ZDHHC21: variants seen among roughly 807,000 people sequenced by gnomAD.
The protein encoded by ZDHHC21 is palmitoyltransferase ZDHHC21.
ZDHHC21 carries 15 observed loss-of-function variants against 34.6 expected under a neutral mutation model. The observed-to-expected ratio is 0.43, with a 90% CI of 0.29 to 0.67. ZDHHC21 has a LOEUF of 0.67. ZDHHC21 is among the 30% of genes least tolerant of loss of function. The pLI, the probability that ZDHHC21 is intolerant of heterozygous loss-of-function variation, is 0.14. For missense variants in ZDHHC21, 344 were observed against 327.7 expected (o/e 1.05, Z -0.38); for synonymous variants, 142 against 101.8 (o/e 1.40, Z -2.38).
intron 2 of ZDHHC21, among the ~76,000 whole-genome samples, chr9:14,685,336 A>T (rs1488867598): frequency 1.7e-4 from 26 of 151,386 alleles, no homozygotes; most frequent in Non-Finnish European, 1.2e-4. Flanking sequence ...GAATCTACAA[A>T]GAACTCAAAC....
Position 14,674,377 on chromosome 9 carries a change from A to T in ZDHHC21, c.-37T>A. On this transcript the variant is annotated 5_prime_UTR_variant, in exon 4 of 10. Transcript: ENST00000380916. ...ATAACTGCCTGCTAACCCACAAGGA[A>T]GGATGATCCTAAGGAGAAGGAACAA... 1 of 1,565,202 alleles carries T rather than the reference A, an allele frequency of 6.4e-7. No individual in the cohort carries two copies. Among genetic ancestry groups the T allele is most frequent in the Non-Finnish European group, 8.6e-7 (1 of 1,160,248 alleles).
At chr9:14,607,526 G>A (rs993530204), downstream of ZDHHC21, among the ~76,000 whole-genome samples, 3 of 151,752 alleles carry the variant, frequency 2.0e-5, no homozygotes, top group African/African-American at 7.3e-5. Context: ...CCAAATTATG[G>A]CCAGTAGCTA....
intron 2 of ZDHHC21, among the ~76,000 whole-genome samples, chr9:14,686,119 G>T (rs1220028044): frequency 1.3e-5 from 2 of 151,670 alleles, no homozygotes; most frequent in Admixed American, 6.6e-5. Flanking sequence ...CGAGTTAATG[G>T]GTGCAGCAAA....
At chr9:14,650,026 G>T (rs1306915698) in intron 7 of ZDHHC21, among the ~76,000 whole-genome samples, 1 of 151,958 alleles carries the variant, frequency 6.6e-6, no homozygotes, top group East Asian at 1.9e-4. Flanking sequence ...AATTTTCTAT[G>T]TTAAATGCTA....
chr9:14,669,568 A>C (rs12684670), intron 5 of ZDHHC21, among the ~76,000 whole-genome samples: 15 of 149,554 alleles, frequency 1.0e-4, no homozygotes, highest in African/African-American at 3.2e-4. Flanking sequence ...TGTTTATTGC[A>C]GCATTATTCA....
At chr9:14,658,345 C>T (rs1207584012) in intron 7 of ZDHHC21, among the ~76,000 whole-genome samples, 1 of 140,164 alleles carries the variant, frequency 7.1e-6, no homozygotes, top group African/African-American at 3.2e-5. Context: ...TGGGAGTTTG[C>T]TTTTGTTGTT....
chr9:14,663,529 TTCTTTTTTTTC>T (rs905424650), intron 5 of ZDHHC21, among the ~76,000 whole-genome samples: 2 of 151,670 alleles, frequency 1.3e-5, no homozygotes, highest in African/African-American at 4.8e-5. Context: ...ATATTTTTAT[TTCTTTTTTTTC>T]TCTTTTTTTT....
chr9:14,670,675 A>G (rs936855843), intron 5 of ZDHHC21, among the ~76,000 whole-genome samples: 3 of 152,152 alleles, frequency 2.0e-5, no homozygotes, highest in Non-Finnish European at 4.4e-5. Context: ...CTTTGATAAC[A>G]TGAAGATATT....
At chr9:14,590,316 A>T in the ZDHHC21 span, among the ~76,000 whole-genome samples, 2 of 152,154 alleles carry the variant, frequency 1.3e-5, no homozygotes, top group Non-Finnish European at 2.9e-5. Context: ...ATACTAAGTC[A>T]TATTACTTGT....
intron 2 of ZDHHC21, among the ~76,000 whole-genome samples, chr9:14,686,656 T>C (rs1206471331): frequency 6.6e-6 from 1 of 152,146 alleles, no homozygotes; most frequent in Non-Finnish European, 1.5e-5. Context: ...GCACCTTTGC[T>C]TTTTAGAGAC....
the ZDHHC21 span, among the ~76,000 whole-genome samples, chr9:14,595,773 G>GA: frequency 6.6e-6 from 1 of 151,458 alleles, no homozygotes; most frequent in Non-Finnish European, 1.5e-5. Context: ...TGCCATGAAG[G>GA]AAAAAAAAGA....
intron 2 of ZDHHC21, among the ~76,000 whole-genome samples, chr9:14,685,033 G>A (rs1382312336): frequency 6.6e-5 from 10 of 152,080 alleles, no homozygotes; most frequent in East Asian, 3.9e-4. Flanking sequence ...CCTTCCTTAA[G>A]CCTTATACAA....
chr9:14,599,216 G>T, the ZDHHC21 span, among the ~76,000 whole-genome samples: 1 of 152,154 alleles, frequency 6.6e-6, no homozygotes, highest in Non-Finnish European at 1.5e-5. Flanking sequence ...TGCAGAAGGC[G>T]GGTAATTTCT....
chr9:14,681,882 TA>T (rs955666450), intron 2 of ZDHHC21, among the ~76,000 whole-genome samples: 59 of 152,172 alleles, frequency 3.9e-4, no homozygotes, highest in African/African-American at 1.4e-3. Flanking sequence ...CGGGGGCCAA[TA>T]TTCAACATTC....
At chr9:14,680,598 A>C (rs1837198127) in intron 2 of ZDHHC21, among the ~76,000 whole-genome samples, 1 of 138,616 alleles carries the variant, frequency 7.2e-6, no homozygotes, top group African/African-American at 2.6e-5. Context: ...GAAGCCATTA[A>C]GAGAGTCAAA....
rs1366041733 is a variant in ZDHHC21 at position 14,614,562 on chromosome 9, T to C, written c.*4404A>G. 1 of 151,762 alleles carries C rather than the reference T, an allele frequency of 6.6e-6. No homozygotes were observed. Among genetic ancestry groups the C allele is most frequent in the Non-Finnish European group, 1.5e-5 (1 of 67,750 alleles). The allele number at this position is 151,762 out of a possible 1,614,324, so 9.4% of individuals were successfully genotyped here. A position where few individuals can be genotyped will look rare whatever the true frequency, so the allele number is the denominator to read the frequency against. ...TTGGTTCTAATACTTTCTTATACTG[T>C]ACTGTGGAATATTCTAGAATTCAAC... On this transcript the variant is annotated 3_prime_UTR_variant, in exon 10 of 10. Coordinates refer to ENST00000380916, the MANE Select transcript of ZDHHC21 (RefSeq NM_178566.6).
At chr9:14,623,033 T>C (rs80255812) in intron 8 of ZDHHC21, among the ~76,000 whole-genome samples, 6,662 of 151,174 alleles carry the variant, frequency 0.044, 203 homozygotes, top group South Asian at 0.11. Context: ...TCAAAATGGA[T>C]CAAAAACTTC....
intron 4 of ZDHHC21, among the ~76,000 whole-genome samples, chr9:14,673,228 G>A (rs1258996310): frequency 6.6e-6 from 1 of 151,800 alleles, no homozygotes; most frequent in Non-Finnish European, 1.5e-5. Context: ...TGGCATAAAT[G>A]AATAGGCTCC....
the ZDHHC21 span, among the ~76,000 whole-genome samples, chr9:14,604,509 C>T: frequency 5.3e-5 from 8 of 152,000 alleles, no homozygotes; most frequent in Non-Finnish European, 1.0e-4. Context: ...TTTAGGATGG[C>T]GGCTACCTCT....
Sources: allele counts gnomAD v4.1 joint callset (sites outside exome capture counted in the v4.1 genomes callset), GRCh38; gene constraint gnomAD v4.1.1; transcripts MANE v1.5; gene names NCBI Gene and HGNC (gene_info 2026-07-23, HGNC 2026-07-21).